Variants in ANKRD27 observed in about 807,000 individuals in gnomAD.
ANKRD27 encodes the protein ankyrin repeat domain 27.
ANKRD27 carries 112 observed loss-of-function variants against 129.7 expected under a neutral mutation model. The ratio of observed to expected loss-of-function variants is 0.86; its 90% CI spans 0.74 to 1.01. The LOEUF is 1.01. Ranked by LOEUF, ANKRD27 falls within the 50% of genes least tolerant of loss-of-function variation. The pLI is 0.00. For missense variants in ANKRD27, 1,258 were observed against 1,300.5 expected (o/e 0.97, Z 0.50); for synonymous variants, 516 against 511.2 (o/e 1.01, Z -0.13).
rs140034505 is a variant in ANKRD27 at position 32,639,360 on chromosome 19, G to T, written c.1112C>A (p.Pro371His). The change falls in exon 12 of 29, where the codon CCC becomes CAC. Residue 371 changes from proline to histidine, a missense_variant. Pro to His is a moderately conservative substitution (Grantham distance 77, BLOSUM62 -2). Transcript: ENST00000306065. ...AGGGCAGGGGTGAGATCTTACAGGG[G>T]GTTTAGCAGAGAGGCTTCCTTGCCG... ...YIRQGSLSAK[P>H]PESEGFGDRL... The T allele has an allele frequency of 8.7e-6, 14 of 1,614,162 alleles. No homozygotes were observed. The South Asian group carries it at 1.3e-4, about 15-fold the overall frequency.
rs1160984598 is a variant in ANKRD27 at position 32,620,047 on chromosome 19, AC to A, written c.1828-495del. On this transcript the variant is annotated intron_variant, in intron 18 of 28. Coordinates refer to ENST00000306065, the MANE Select transcript of ANKRD27 (RefSeq NM_032139.3). ...GGTAAACAAACGCCACGGCAATAGA[AC>A]CCTCCTCCCAAGACATCCCAGCAGC... is the stretch of plus-strand genomic sequence containing the variant. Among the ~76,000 whole-genome samples, 3 of 151,268 alleles carry A rather than the reference AC, an allele frequency of 2.0e-5. No homozygotes were observed. The East Asian group carries it at 5.9e-4, about 30-fold the overall frequency.
chr19:32,607,359 G>C (rs535820673), intron 23 of ANKRD27, among the ~76,000 whole-genome samples: 60 of 151,780 alleles, frequency 4.0e-4, no homozygotes, highest in African/African-American at 1.4e-3. Context: ...ACGAGCTCAA[G>C]AGCCAGATCC....
rs753917962 is a variant in ANKRD27, at chr19:32,628,101, G to A, written c.1402C>T (p.His468Tyr). The change falls in exon 15 of 29, where the codon CAT (histidine) becomes TAT (tyrosine). Residue 468 changes from histidine (H) to tyrosine (Y), a missense_variant. Transcript: ENST00000306065. ...SRDDRGHTPL[H>Y]VAAVCGQASL... is the part of the protein sequence containing the mutation. ...CACATACCACAGACAGCAGCCACATGGAGAGGGGTGTGCCCCCTGTCGTCT... is the reference window on the plus strand; with the variant it reads ...CACATACCACAGACAGCAGCCACATAGAGAGGGGTGTGCCCCCTGTCGTCT... 5 of 1,614,208 alleles carry A rather than the reference G, an allele frequency of 3.1e-6. No homozygotes were observed. The highest frequency in any genetic ancestry group is 4.2e-6 in the Non-Finnish European group (5 of 1,180,016).
intron 12 of ANKRD27, chr19:32,638,838 A>T: frequency 5.9e-6 from 1 of 170,226 alleles, no homozygotes; most frequent in Non-Finnish European, 1.2e-5. Context: ...TTGCTCACAT[A>T]CCCCTCGCCA....
At chr19:32,661,385 C>T (rs1967643763) in intron 1 of ANKRD27, among the ~76,000 whole-genome samples, 1 of 151,994 alleles carries the variant, frequency 6.6e-6, no homozygotes, top group Non-Finnish European at 1.5e-5. Context: ...AGCTGGAGTC[C>T]AATGACATGA....
chr19:32,670,881 G>T (rs181328444), intron 1 of ANKRD27, among the ~76,000 whole-genome samples: 1 of 152,132 alleles, frequency 6.6e-6, no homozygotes, highest in African/African-American at 2.4e-5. Context: ...AGCCACTAGG[G>T]AGGCTGAGGC....
In ANKRD27 at chr19:32,666,639, C is replaced by CTTTTTTTTTTTTT. The variant is rs1421941665; in HGVS notation, c.-30-7595_-30-7594insAAAAAAAAAAAAA. ...GGGCACAGAAAAGGAAATCAGATTT[C>CTTTTTTTTTTTTT]TATTTTTTTTTTTTTTTTTTTTTGA... On this transcript the variant is annotated intron_variant, in intron 1 of 28. Transcript: ENST00000306065. Among the ~76,000 whole-genome samples the CTTTTTTTTTTTTT allele has an allele frequency of 3.6e-5, 4 of 112,020 alleles. 2 individuals are homozygous for CTTTTTTTTTTTTT. Among genetic ancestry groups the CTTTTTTTTTTTTT allele is most frequent in the African/African-American group, 6.9e-5 (2 of 28,790 alleles). The allele number at this position is 112,020 out of a possible 152,430, so 73.5% of individuals were successfully genotyped here.
intron 27 of ANKRD27, 58 bp from the exon 28 acceptor site, chr19:32,599,834 T>C (rs1343870292): frequency 1.3e-6 from 2 of 1,587,944 alleles, no homozygotes; most frequent in Non-Finnish European, 8.6e-7. Context: ...AACACTCTGG[T>C]TGGCCACAAG....
rs555261554 is a variant in ANKRD27 at position 32,605,763 on chromosome 19, G to A, written c.2493+72C>T. On this transcript the variant is annotated intron_variant, in intron 24 of 28. Coordinates refer to ENST00000306065, the MANE Select transcript of ANKRD27 (RefSeq NM_032139.3). Reference sequence around the variant, plus strand: ...GGCCTCTCCATCCCCAGTGCGCTGCGGGGGTCGCTGGGTGGAGGCGCCCTG... The same window carrying A: ...GGCCTCTCCATCCCCAGTGCGCTGCAGGGGTCGCTGGGTGGAGGCGCCCTG... 106 of 1,576,970 alleles carry A rather than the reference G, an allele frequency of 6.7e-5. 1 individual carries two copies. In the East Asian group the frequency reaches 2.0e-3, roughly 29 times the overall value.
At chr19:32,607,081 G>A (rs1348116706) in intron 23 of ANKRD27, among the ~76,000 whole-genome samples, 1 of 147,788 alleles carries the variant, frequency 6.8e-6, no homozygotes, top group African/African-American at 2.5e-5. Flanking sequence ...GCTGCAGTGT[G>A]AGCTGAGATT....
At chr19:32,627,290 C>T (rs1398784199) in intron 15 of ANKRD27, among the ~76,000 whole-genome samples, 2 of 152,250 alleles carry the variant, frequency 1.3e-5, no homozygotes, top group South Asian at 2.1e-4. Flanking sequence ...TCAATCACAA[C>T]GATCTCTGGG....
chr19:32,620,885 CAAAAAAAA>C (rs746859989), intron 18 of ANKRD27, among the ~76,000 whole-genome samples: 10 of 75,302 alleles, frequency 1.3e-4, no homozygotes, highest in African/African-American at 1.6e-4. Context: ...AACCTTGTCT[CAAAAAAAA>C]AAAAAAAAAA....
chr19:32,623,446 T>C (rs919521461), intron 17 of ANKRD27, among the ~76,000 whole-genome samples: 2 of 152,028 alleles, frequency 1.3e-5, no homozygotes, highest in Admixed American at 6.6e-5. Context: ...GGGGACTGAG[T>C]TCCTAATGAG....
At chr19:32,673,451 G>C (rs1212339343) in intron 1 of ANKRD27, 1 of 985,268 alleles carries the variant, frequency 1.0e-6, no homozygotes, top group Non-Finnish European at 1.2e-6. Context: ...TTCCTCAAAG[G>C]ATTCCCCTGC....
At chr19:32,663,404 C>T (rs183128464) in intron 1 of ANKRD27, among the ~76,000 whole-genome samples, 1 of 152,324 alleles carries the variant, frequency 6.6e-6, no homozygotes, top group African/African-American at 2.4e-5. Context: ...CCTGAAACCA[C>T]GTCCTTTCCA....
intron 3 of ANKRD27, 56 bp from the exon 4 acceptor site, chr19:32,646,671 T>A (rs1967310245): frequency 4.4e-6 from 7 of 1,578,462 alleles, no homozygotes; most frequent in African/African-American, 1.4e-5. Flanking sequence ...CATCCCACTC[T>A]CAGCCTGGCC....
At chr19:32,670,755 AG>A (rs1967853517) in intron 1 of ANKRD27, among the ~76,000 whole-genome samples, 1 of 152,134 alleles carries the variant, frequency 6.6e-6, no homozygotes, top group Admixed American at 6.5e-5. Context: ...GCACTTTGGA[AG>A]GCCGAGGCGG....
intron 9 of ANKRD27, 126 bp downstream of exon 9, chr19:32,642,997 C>T (rs1199757119): frequency 4.4e-6 from 4 of 904,238 alleles, no homozygotes; most frequent in Admixed American, 2.2e-5. Flanking sequence ...CAAGTAACTG[C>T]GCTGCTCCTC....
chr19:32,625,815 CT>C, intron 17 of ANKRD27, 58 bp downstream of exon 17: 1 of 1,329,966 alleles, frequency 7.5e-7, no homozygotes, highest in Non-Finnish European at 1.0e-6. Flanking sequence ...GAAATCCCGA[CT>C]TCTCTACGAG....
Sources: allele counts gnomAD v4.1 joint callset (sites outside exome capture counted in the v4.1 genomes callset), GRCh38; gene constraint gnomAD v4.1.1; transcripts MANE v1.5; gene names NCBI Gene and HGNC (gene_info 2026-07-23, HGNC 2026-07-21).